The following LINGO1 variants were observed in gnomAD, a reference collection of about 807,000 sequenced individuals.
The protein encoded by LINGO1 is leucine rich repeat and Ig domain containing 1.
LINGO1 carries 11 observed loss-of-function variants against 37.3 expected under a neutral mutation model. That is an observed-to-expected ratio of 0.29 (90% confidence interval 0.19 to 0.49). The LOEUF is 0.49. Ranked by LOEUF, LINGO1 falls within the 20% of genes least tolerant of loss-of-function variation. The pLI, the probability that LINGO1 is intolerant of heterozygous loss-of-function variation, is 0.99. For synonymous variants in LINGO1, 387 were observed against 403.0 expected (o/e 0.96, Z 0.48); for missense variants, 585 against 878.2 (o/e 0.67, Z 4.22).
chr15:77,621,501 G>A (rs1045072432), intron 1 of LINGO1, among the ~76,000 whole-genome samples: 1 of 152,172 alleles, frequency 6.6e-6, no homozygotes, highest in African/African-American at 2.4e-5. Flanking sequence ...AGAGCTCTGT[G>A]TCTCCTAGTT....
intron 2 of LINGO1, among the ~76,000 whole-genome samples, chr15:77,684,299 G>A (rs942251571): frequency 2.0e-5 from 3 of 152,210 alleles, no homozygotes; most frequent in African/African-American, 7.2e-5. Context: ...CTCTGAGATA[G>A]GTTTATTATC....
At chr15:77,788,893 T>C (rs1189960660), upstream of LINGO1, among the ~76,000 whole-genome samples, 1 of 152,164 alleles carries the variant, frequency 6.6e-6, no homozygotes, top group African/African-American at 2.4e-5. Flanking sequence ...GATACGGGGA[T>C]TGGATCACGA....
At position 77,744,182 on chromosome 15, in the gene LINGO1, G is replaced by A. The variant is rs146844926; in HGVS notation, c.-256-9129C>T. Among the ~76,000 whole-genome samples the A allele has an allele frequency of 1.1e-3, 166 of 152,266 alleles. 1 individual carries two copies. Among genetic ancestry groups the A allele is most frequent in the African/African-American group, 3.9e-3 (164 of 41,540 alleles). On this transcript the variant is annotated intron_variant, in intron 1 of 3. Coordinates refer to the LINGO1 transcript ENST00000561686. ...GAGCAGAGGAAAGAGCATAGGTTTG[G>A]AATTAACAAGCTGCGTGTCTATGAG...
At chr15:77,657,282 T>A (rs1188380415) in intron 3 of LINGO1, among the ~76,000 whole-genome samples, 2 of 151,308 alleles carry the variant, frequency 1.3e-5, no homozygotes, top group Non-Finnish European at 3.0e-5. Context: ...AGACCTCAGC[T>A]AGTCATGGGG....
chr15:77,614,038 C>T lies in LINGO1; in HGVS notation c.*6G>A, dbSNP rs539563250. The stretch of plus-strand genomic sequence containing the variant: ...CGCCCGGGGGTCCCTGCCCCCCGCC[C>T]CGGCCTCATATCATCTTCATGTTGA... On this transcript the variant is annotated 3_prime_UTR_variant, in exon 2 of 2. Transcript: ENST00000355300. 6 of 1,563,324 alleles carry T rather than the reference C, an allele frequency of 3.8e-6. No individual in the cohort carries two copies. The highest frequency in any genetic ancestry group is 5.2e-6 in the Non-Finnish European group (6 of 1,153,186).
At chr15:77,642,700 T>C (rs2074536219) in intron 3 of LINGO1, among the ~76,000 whole-genome samples, 1 of 152,190 alleles carries the variant, frequency 6.6e-6, no homozygotes, top group Non-Finnish European at 1.5e-5. Context: ...GACCGGCACT[T>C]GGGCTTGGGC....
rs1243910254 is a variant in LINGO1 at position 77,632,430 on chromosome 15, ACCT to A, written c.-118_-116del. On this transcript the variant is annotated 5_prime_UTR_variant, in exon 1 of 2. Coordinates refer to ENST00000355300, the MANE Select transcript of LINGO1 (RefSeq NM_032808.7). The surrounding 1 kb of genome is among the most constrained non-coding windows in gnomAD (Gnocchi z 6.0). Reference sequence around the variant, plus strand: ...CTCCTCCGTTTCCTCCTCCTCCGACACCTCCGCCCGGCAGTCCGCGCGCCCTCG... The same window carrying A: ...CTCCTCCGTTTCCTCCTCCTCCGACACCGCCCGGCAGTCCGCGCGCCCTCG... 23 of 1,132,546 alleles carry A rather than the reference ACCT, an allele frequency of 2.0e-5. No homozygotes were observed. Among genetic ancestry groups the A allele is most frequent in the Non-Finnish European group, 2.3e-5 (21 of 895,218 alleles). 70.2% of individuals were successfully genotyped at this position (1,132,546 alleles called of 1,614,324 possible).
intron 1 of LINGO1, among the ~76,000 whole-genome samples, chr15:77,812,718 A>C (rs1484596998): frequency 1.3e-5 from 2 of 152,190 alleles, no homozygotes; most frequent in African/African-American, 4.8e-5. Context: ...AATAATGGAG[A>C]TTTATCAGTA....
intron 1 of LINGO1, among the ~76,000 whole-genome samples, chr15:77,800,722 A>G (rs1215374306): frequency 6.6e-6 from 1 of 152,264 alleles, no homozygotes; most frequent in Non-Finnish European, 1.5e-5. Flanking sequence ...TACTGTACAT[A>G]AACGTGTAAA....
chr15:77,704,368 T>G (rs755441604), intron 2 of LINGO1, among the ~76,000 whole-genome samples: 47 of 152,200 alleles, frequency 3.1e-4, no homozygotes, highest in African/African-American at 1.0e-3. Flanking sequence ...GCCCCGACGC[T>G]GGTCACATAC....
chr15:77,695,208 C>T (rs1258254159), intron 1 of LINGO1, among the ~76,000 whole-genome samples: 6 of 152,228 alleles, frequency 3.9e-5, no homozygotes, highest in East Asian at 3.9e-4. Context: ...TCCAAAGGTC[C>T]GGTGCTGTCC....
chr15:77,629,158 C>T (rs2074179908), intron 1 of LINGO1, among the ~76,000 whole-genome samples: 1 of 152,206 alleles, frequency 6.6e-6, no homozygotes, highest in Non-Finnish European at 1.5e-5. Context: ...TGAGCCCAGA[C>T]TTTTGGCTCC....
At chr15:77,706,045 T>G (rs1255164403) in intron 2 of LINGO1, among the ~76,000 whole-genome samples, 1 of 152,186 alleles carries the variant, frequency 6.6e-6, no homozygotes, top group East Asian at 1.9e-4. Flanking sequence ...TTTGGATCCC[T>G]TGTCTGTAAG....
At chr15:77,729,822 T>C (rs1312760563) in intron 2 of LINGO1, among the ~76,000 whole-genome samples, 1 of 152,228 alleles carries the variant, frequency 6.6e-6, no homozygotes, top group Non-Finnish European at 1.5e-5. Context: ...CAGCCCAAGA[T>C]TGGACCCTCT....
At chr15:77,683,287 G>T (rs1244172610) in intron 2 of LINGO1, among the ~76,000 whole-genome samples, 1 of 152,148 alleles carries the variant, frequency 6.6e-6, no homozygotes, top group East Asian at 1.9e-4. Flanking sequence ...GCATCAGCTG[G>T]CCCAACCTTG....
chr15:77,677,934 C>G (rs1347875117), intron 2 of LINGO1, among the ~76,000 whole-genome samples: 1 of 152,162 alleles, frequency 6.6e-6, no homozygotes, highest in East Asian at 1.9e-4. Context: ...TTAACCTGGC[C>G]CACAGGGCAC....
rs34524098 is a variant in LINGO1 at position 77,760,916 on chromosome 15, C to CTTTT, written c.-256-25867_-256-25864dup. On this transcript the variant is annotated intron_variant, in intron 1 of 3. Transcript: ENST00000561686. Reference sequence around the variant, plus strand: ...TTTTGTTGTGATTGTTAATAAGTATCTTTTTTTTTTTTTTTTTTTTTTTTT... The same window carrying CTTTT: ...TTTTGTTGTGATTGTTAATAAGTATCTTTTTTTTTTTTTTTTTTTTTTTTTTTTT... Among the ~76,000 whole-genome samples, 282 of 96,390 alleles carry CTTTT rather than the reference C, an allele frequency of 2.9e-3. 41 individuals are homozygous for CTTTT. Among genetic ancestry groups the CTTTT allele is most frequent in the African/African-American group, 0.011 (233 of 20,502 alleles). The allele number at this position is 96,390 out of a possible 152,430, so 63.2% of individuals were successfully genotyped here.
At chr15:77,631,748 CCCTT>C (rs1567471274) in intron 1 of LINGO1, among the ~76,000 whole-genome samples, 2 of 152,246 alleles carry the variant, frequency 1.3e-5, no homozygotes, top group Non-Finnish European at 2.9e-5. Flanking sequence ...GTCCCCAACT[CCCTT>C]CCTTCCACTC....
At chr15:77,640,486 C>T (rs1484537001) in intron 3 of LINGO1, among the ~76,000 whole-genome samples, 2 of 152,202 alleles carry the variant, frequency 1.3e-5, no homozygotes, top group African/African-American at 4.8e-5. Context: ...ATATAAGCCT[C>T]AATCACACCC....
Sources: gnomAD v4.1 joint callset for allele counts (sites outside exome capture counted in the v4.1 genomes callset) on GRCh38, gnomAD v4.1.1 for gene constraint, Gnocchi (gnomAD v3.1) non-coding constraint, MANE v1.5 for transcripts, NCBI Gene and HGNC (gene_info 2026-07-23, HGNC 2026-07-21) for gene names.